Variants in DESI1 observed in about 807,000 individuals in gnomAD.
The protein encoded by DESI1 is desumoylating isopeptidase 1, also known as PPPDE peptidase domain containing 2.
DESI1 carries 17 observed loss-of-function variants against 22.4 expected under a neutral mutation model. The ratio of observed to expected loss-of-function variants is 0.76; its 90% confidence interval spans 0.52 to 1.14. The LOEUF (loss-of-function observed/expected upper bound fraction) is 1.14, where lower values mean the gene tolerates loss of function less well. Among genes scored for constraint, DESI1 ranks in the 50% most tolerant of loss-of-function variants. The pLI is 0.00. For missense variants in DESI1, 177 were observed against 208.9 expected, an observed-to-expected ratio of 0.85 and a Z score of 0.94; for synonymous variants, 92 against 84.2, an observed-to-expected ratio of 1.09 and a Z score of -0.51.
At chr22:41,606,792 A>AG (rs1484657812) in intron 3 of DESI1, among the ~76,000 whole-genome samples, 20 of 151,696 alleles carry the variant, frequency 1.3e-4, no homozygotes, top group Admixed American at 4.0e-4. Context: ...AAAAAAAAAA[A>AG]AAAAAAAAAG....
At chr22:41,601,499 G>T (rs1014584942) in intron 5 of DESI1, among the ~76,000 whole-genome samples, 1 of 152,160 alleles carries the variant, frequency 6.6e-6, no homozygotes, top group Non-Finnish European at 1.5e-5. Context: ...CAGAGAACTA[G>T]AACTTTCTGT....
chr22:41,602,894 G>C, intron 5 of DESI1: 1 of 811,396 alleles, frequency 1.2e-6, no homozygotes, highest in Non-Finnish European at 1.6e-6. Context: ...CTATTTTTCT[G>C]ACCCCCTCTC....
chr22:41,608,758 G>GAGCAGACCA (rs1349869342), intron 1 of DESI1, among the ~76,000 whole-genome samples: 17 of 152,048 alleles, frequency 1.1e-4, no homozygotes, highest in Non-Finnish European at 7.4e-5. Context: ...GGAGGGAAGA[G>GAGCAGACCA]AGCAGACCAA....
rs2067590018 is a variant in DESI1 at position 41,620,898 on chromosome 22, C to A, written c.-59G>T. 2 of 1,560,814 alleles carry A rather than the reference C, an allele frequency of 1.3e-6. No individual in the cohort carries two copies. The highest frequency in any genetic ancestry group is 1.9e-5 in the Admixed American group (1 of 52,368). On this transcript the variant is annotated 5_prime_UTR_variant, in exon 1 of 6. In the 5' UTR this introduces an upstream ATG that the reference lacks. Transcript: ENST00000263256. The stretch of plus-strand genomic sequence containing the variant: ...TCGGGCACCCGGCAGCGGCTTGGAC[C>A]TTCCCGTACCCGACGGGAGTGCGAA...
At position 41,607,429 on chromosome 22, in the gene DESI1, G is replaced by A. The variant is rs1601511202; in HGVS notation, c.111-98C>T. On this transcript the variant is annotated intron_variant, in intron 2 of 5. Coordinates refer to ENST00000263256, the MANE Select transcript of DESI1 (RefSeq NM_015704.3). The stretch of plus-strand genomic sequence containing the variant: ...TGAGAGTAATTTCTGCCCAAGGATA[G>A]GACTGTGGGGACCAGTCTTATAAAA... The A allele has an allele frequency of 1.5e-5, 17 of 1,140,508 alleles. No individual in the cohort carries two copies. In the East Asian group the frequency reaches 4.4e-4, roughly 30 times the overall value. The allele number at this position is 1,140,508 out of a possible 1,614,324, so 70.6% of individuals were successfully genotyped here.
intron 5 of DESI1, 109 bp from the exon 6 acceptor site, chr22:41,601,299 G>A (rs901738560): frequency 5.1e-6 from 5 of 985,670 alleles, no homozygotes; most frequent in Non-Finnish European, 7.3e-6. Context: ...GGTGGCAGCA[G>A]AAGCAGCACC....
intron 1 of DESI1, among the ~76,000 whole-genome samples, chr22:41,609,299 A>G (rs1275670259): frequency 2.0e-5 from 3 of 152,154 alleles, no homozygotes; most frequent in Admixed American, 6.5e-5. Context: ...TGGATTTTCC[A>G]CTTCCTAGTG....
At chr22:41,606,773 C>CAAA (rs67262006) in intron 3 of DESI1, among the ~76,000 whole-genome samples, 16 of 62,730 alleles carry the variant, frequency 2.6e-4, no homozygotes, top group African/African-American at 6.3e-4. Context: ...GACTCCATCT[C>CAAA]AAAAAAAAAA....
At chr22:41,613,419 A>G (rs1292345027) in intron 1 of DESI1, among the ~76,000 whole-genome samples, 1 of 152,220 alleles carries the variant, frequency 6.6e-6, no homozygotes, top group Non-Finnish European at 1.5e-5. Flanking sequence ...TGAAAGTTTT[A>G]TAGTTGTTCT....
At chr22:41,613,237 G>A (rs965043372) in intron 1 of DESI1, among the ~76,000 whole-genome samples, 14 of 152,216 alleles carry the variant, frequency 9.2e-5, no homozygotes, top group South Asian at 8.3e-4. Context: ...TCTATTGGAC[G>A]CACTGTTTAA....
chr22:41,607,100 A>G (rs757618937), intron 3 of DESI1, among the ~76,000 whole-genome samples, 162 bp downstream of exon 3: 1 of 152,152 alleles, frequency 6.6e-6, no homozygotes, highest in African/African-American at 2.4e-5. Flanking sequence ...AACAGAGAGG[A>G]GAGGAACTGG....
chr22:41,610,997 T>A (rs2067513949), intron 1 of DESI1, among the ~76,000 whole-genome samples: 1 of 152,092 alleles, frequency 6.6e-6, no homozygotes, highest in Non-Finnish European at 1.5e-5. Flanking sequence ...TTCACAGTGG[T>A]TGATGAGAAC....
At chr22:41,612,984 TAGA>T (rs1459787113) in intron 1 of DESI1, among the ~76,000 whole-genome samples, 1 of 152,058 alleles carries the variant, frequency 6.6e-6, no homozygotes, top group Non-Finnish European at 1.5e-5. Context: ...GGAGGGGAAG[TAGA>T]AGATGACCAG....
chr22:41,611,821 G>C (rs2067519383), intron 1 of DESI1, among the ~76,000 whole-genome samples: 1 of 151,942 alleles, frequency 6.6e-6, no homozygotes, highest in Non-Finnish European at 1.5e-5. Flanking sequence ...TTAAACTCCT[G>C]ACCTCGTGAT....
intron 4 of DESI1, among the ~76,000 whole-genome samples, 173 bp from the exon 5 acceptor site, chr22:41,603,554 G>A (rs1270012043): frequency 6.6e-6 from 1 of 152,212 alleles, no homozygotes; most frequent in Non-Finnish European, 1.5e-5. Context: ...ATTAATAACT[G>A]ATTTTTAAGG....
chr22:41,603,656 C>G (rs755104186), intron 4 of DESI1, among the ~76,000 whole-genome samples: 1 of 152,194 alleles, frequency 6.6e-6, no homozygotes, highest in East Asian at 1.9e-4. Context: ...GAGTTTACCC[C>G]CTTACTGAAA....
At chr22:41,604,250 C>CTTT (rs1264626626) in intron 3 of DESI1, 97 bp from the exon 4 acceptor site, 92 of 283,802 alleles carry the variant, frequency 3.2e-4, no homozygotes, top group Middle Eastern at 9.8e-4. Context: ...TCTGTTCTGA[C>CTTT]TTTTTTTTTT....
intron 1 of DESI1, among the ~76,000 whole-genome samples, chr22:41,617,206 C>T (rs1333624518): frequency 1.3e-5 from 2 of 152,186 alleles, no homozygotes; most frequent in Admixed American, 6.5e-5. Flanking sequence ...GGAAGTCAGA[C>T]TGCCTGTGTT....
At chr22:41,601,326 G>C in intron 5 of DESI1, 136 bp from the exon 6 acceptor site, 1 of 751,860 alleles carries the variant, frequency 1.3e-6, no homozygotes, top group Non-Finnish European at 2.1e-6. Context: ...GAAGGAAAGA[G>C]CACCTCGTCA....
Sources: gnomAD v4.1 joint callset for allele counts (sites outside exome capture counted in the v4.1 genomes callset) on GRCh38, gnomAD v4.1.1 for gene constraint, MANE v1.5 for transcripts, NCBI Gene and HGNC (gene_info 2026-07-23, HGNC 2026-07-21) for gene names.